The following NEK7 variants were observed in gnomAD, a reference collection of about 807,000 sequenced individuals.
The protein encoded by NEK7 is serine/threonine-protein kinase Nek7.
NEK7 carries 18 observed loss-of-function variants against 44.6 expected under a neutral mutation model. The observed-to-expected ratio is 0.40, with a 90% CI of 0.28 to 0.60. The LOEUF (loss-of-function observed/expected upper bound fraction) is 0.60, where lower values mean the gene tolerates loss of function less well. NEK7 is among the 20% of genes least tolerant of loss of function. The pLI is 0.38. For missense variants in NEK7, 256 were observed against 366.5 expected (o/e 0.70, Z 2.46); for synonymous variants, 130 against 121.1 (o/e 1.07, Z -0.48).
chr1:198,222,646 C>T (rs894245752), intron 1 of NEK7, among the ~76,000 whole-genome samples: 3 of 152,124 alleles, frequency 2.0e-5, no homozygotes, highest in Admixed American at 1.3e-4. Flanking sequence ...ATGCTAACAT[C>T]GATCCTCTAT....
At position 198,197,879 on chromosome 1, in the gene NEK7, T is replaced by A. The variant is rs974659927; in HGVS notation, c.-28-34674T>A. 3.8e-6 allele frequency: 4 copies of A among 1,043,630 alleles called. No homozygotes were observed. In the Admixed American group the frequency reaches 6.9e-5, roughly 18 times the overall value. 64.6% of individuals were successfully genotyped at this position (1,043,630 alleles called of 1,614,324 possible). On this transcript the variant is annotated intron_variant, in intron 1 of 9. Transcript: ENST00000367385. ...TTTCTTCATTTTCATCTGCATCTTC[T>A]TGTCCTCTATCACTCCTAGTCCGAA...
chr1:198,210,651 A>C lies in NEK7; in HGVS notation c.-28-21902A>C, dbSNP rs143862773. Among the ~76,000 whole-genome samples the C allele has an allele frequency of 6.3e-3, 954 of 150,324 alleles. 21 individuals are homozygous for C. The highest frequency in any genetic ancestry group is 0.022 in the African/African-American group (893 of 41,016). On this transcript the variant is annotated intron_variant, in intron 1 of 9. Transcript: ENST00000367385. ...TTTTTTCTAGAAAGGTTATATACCT[A>C]TGTAAACATTATATATACTTTGTAT...
intron 9 of NEK7, among the ~76,000 whole-genome samples, chr1:198,316,265 A>T (rs1253941736): frequency 6.6e-6 from 1 of 152,242 alleles, no homozygotes; most frequent in Non-Finnish European, 1.5e-5. Flanking sequence ...TTCTGATGTG[A>T]CACAGCATTT....
chr1:198,235,032 C>T (rs1464837880), intron 2 of NEK7, among the ~76,000 whole-genome samples: 2 of 152,108 alleles, frequency 1.3e-5, no homozygotes, highest in Non-Finnish European at 2.9e-5. Flanking sequence ...TTTTGTTCCA[C>T]ACCACTGGCC....
At chr1:198,201,937 C>T (rs1665442072) in intron 1 of NEK7, among the ~76,000 whole-genome samples, 1 of 152,208 alleles carries the variant, frequency 6.6e-6, no homozygotes, top group Non-Finnish European at 1.5e-5. Flanking sequence ...ACCCTTTGTT[C>T]AGCAATGGCT....
intron 9 of NEK7, among the ~76,000 whole-genome samples, chr1:198,316,460 G>A (rs758133127): frequency 4.5e-4 from 68 of 152,304 alleles, no homozygotes; most frequent in Admixed American, 1.4e-3. Flanking sequence ...CGATACCTCC[G>A]TGTACGAGGT....
chr1:198,182,922 C>A (rs1023303179), intron 1 of NEK7, among the ~76,000 whole-genome samples: 1 of 152,036 alleles, frequency 6.6e-6, no homozygotes, highest in South Asian at 2.1e-4. Context: ...CTAGAGTATA[C>A]CATAGTATAG....
chr1:198,271,453 A>G (rs151282443), intron 5 of NEK7, among the ~76,000 whole-genome samples: 2 of 152,168 alleles, frequency 1.3e-5, no homozygotes, highest in Non-Finnish European at 2.9e-5. Context: ...TTCAAATATT[A>G]TAACTTAAAA....
At chr1:198,201,396 C>T (rs1045493356) in intron 1 of NEK7, among the ~76,000 whole-genome samples, 3 of 151,822 alleles carry the variant, frequency 2.0e-5, no homozygotes, top group African/African-American at 7.3e-5. Context: ...ATGTACTGTG[C>T]CTGTTTTTGT....
intron 9 of NEK7, among the ~76,000 whole-genome samples, chr1:198,314,751 CA>C (rs1299512424): frequency 6.6e-6 from 1 of 152,194 alleles, no homozygotes; most frequent in East Asian, 1.9e-4. Context: ...GCTCAGGGGT[CA>C]GGGGTCAGAG....
intron 3 of NEK7, among the ~76,000 whole-genome samples, chr1:198,257,048 T>A (rs1319394572): frequency 1.4e-4 from 21 of 152,192 alleles, no homozygotes; most frequent in Admixed American, 1.4e-3. Context: ...ACGTGAGGTA[T>A]TTTGATCCTT....
At chr1:198,191,153 G>C (rs530513936) in intron 1 of NEK7, among the ~76,000 whole-genome samples, 1 of 152,044 alleles carries the variant, frequency 6.6e-6, no homozygotes, top group African/African-American at 2.4e-5. Context: ...TCACTATGTG[G>C]CTATTACAAA....
intron 1 of NEK7, among the ~76,000 whole-genome samples, chr1:198,180,411 AG>A (rs1664732959): frequency 6.6e-6 from 1 of 151,906 alleles, no homozygotes; most frequent in South Asian, 2.1e-4. Flanking sequence ...ATGAGAGAAG[AG>A]GTTTGGATGA....
chr1:198,293,493 G>C (rs1219641257), intron 8 of NEK7, among the ~76,000 whole-genome samples: 1 of 151,820 alleles, frequency 6.6e-6, no homozygotes, highest in African/African-American at 2.4e-5. Context: ...GTTCTTCTAG[G>C]TTATCAATTT....
chr1:198,268,813 A>C (rs887623124), intron 5 of NEK7, among the ~76,000 whole-genome samples: 1 of 152,042 alleles, frequency 6.6e-6, no homozygotes, highest in Non-Finnish European at 1.5e-5. Flanking sequence ...TGTGCTCAGC[A>C]TATATTTGCT....
At chr1:198,192,053 T>C (rs1665094540) in intron 1 of NEK7, among the ~76,000 whole-genome samples, 1 of 152,124 alleles carries the variant, frequency 6.6e-6, no homozygotes, top group South Asian at 2.1e-4. Context: ...TTCAAAAATT[T>C]CTTGGCTATT....
At chr1:198,170,481 C>T (rs1362229127) in intron 1 of NEK7, among the ~76,000 whole-genome samples, 1 of 152,144 alleles carries the variant, frequency 6.6e-6, no homozygotes, top group Non-Finnish European at 1.5e-5. Context: ...AATTTCCTTT[C>T]CTTAGAGCCC....
chr1:198,172,426 G>A (rs1180223666), intron 1 of NEK7, among the ~76,000 whole-genome samples: 2 of 152,152 alleles, frequency 1.3e-5, no homozygotes, highest in Non-Finnish European at 1.5e-5. Context: ...TCTTCCGTTG[G>A]AATATTTTCT....
At chr1:198,293,096 C>A in intron 8 of NEK7, 57 bp downstream of exon 8, 1 of 923,134 alleles carries the variant, frequency 1.1e-6, no homozygotes, top group Non-Finnish European at 1.8e-6. Flanking sequence ...TATATTTCCT[C>A]TATCCTTATA....
Sources: allele counts gnomAD v4.1 joint callset (sites outside exome capture counted in the v4.1 genomes callset), GRCh38; gene constraint gnomAD v4.1.1; transcripts MANE v1.5; gene names NCBI Gene and HGNC (gene_info 2026-07-23, HGNC 2026-07-21).